The following ST18 variants were observed in gnomAD, a reference collection of about 807,000 sequenced individuals.
The protein encoded by ST18 is ST18 C2H2C-type zinc finger transcription factor, also known as suppression of tumorigenicity 18 protein.
Under a neutral mutation model 110.0 loss-of-function variants are expected in ST18, and 50 were observed. The observed-to-expected ratio is 0.45, with a 90% CI of 0.36 to 0.58. The LOEUF (loss-of-function observed/expected upper bound fraction) is 0.58. Ranked by LOEUF, ST18 falls within the 20% of genes least tolerant of loss-of-function variation. The pLI is 0.00. For missense variants in ST18, 1,306 were observed against 1,280.1 expected, an observed-to-expected ratio of 1.02 and a Z score of -0.31; for synonymous variants, 461 against 452.4, an observed-to-expected ratio of 1.02 and a Z score of -0.24.
intron 25 of ST18, among the ~76,000 whole-genome samples, chr8:52,113,951 C>T (rs1381844139): frequency 5.1e-5 from 3 of 59,084 alleles, no homozygotes; most frequent in Non-Finnish European, 8.8e-5. Context: ...TTATTCATAC[C>T]GTGTTTTTTT....
chr8:52,389,420 G>C (rs1838438129), intron 2 of ST18, among the ~76,000 whole-genome samples: 1 of 152,302 alleles, frequency 6.6e-6, no homozygotes, highest in East Asian at 1.9e-4. Context: ...GATATTAAAA[G>C]AGGAAAACCC....
intron 2 of ST18, among the ~76,000 whole-genome samples, chr8:52,385,757 A>G (rs1183220823): frequency 1.3e-5 from 2 of 152,114 alleles, no homozygotes; most frequent in Non-Finnish European, 2.9e-5. Flanking sequence ...TCATGCATGC[A>G]ATAAAGCCAA....
At chr8:52,337,697 G>T (rs1473828732) in intron 2 of ST18, among the ~76,000 whole-genome samples, 1 of 152,176 alleles carries the variant, frequency 6.6e-6, no homozygotes, top group Non-Finnish European at 1.5e-5. Context: ...TGCCTTTATT[G>T]CTGATAGAGT....
chr8:52,128,766 C>A (rs966203704), intron 22 of ST18, among the ~76,000 whole-genome samples: 14 of 152,124 alleles, frequency 9.2e-5, no homozygotes, highest in Admixed American at 9.2e-4. Flanking sequence ...CACGTGCCAA[C>A]CTGTATTCAA....
chr8:52,241,036 A>T (rs1278075801), intron 2 of ST18, among the ~76,000 whole-genome samples: 1 of 152,226 alleles, frequency 6.6e-6, no homozygotes, highest in Non-Finnish European at 1.5e-5. Context: ...TGAATCTCCT[A>T]TCTTGGCTAA....
intron 2 of ST18, among the ~76,000 whole-genome samples, chr8:52,339,488 T>C (rs1813826303): frequency 6.6e-6 from 1 of 152,242 alleles, no homozygotes; most frequent in Non-Finnish European, 1.5e-5. Context: ...GCAGGGCACG[T>C]ACAGCAGGGT....
At chr8:52,267,127 C>T (rs1267895659) in intron 2 of ST18, among the ~76,000 whole-genome samples, 2 of 151,988 alleles carry the variant, frequency 1.3e-5, no homozygotes, top group East Asian at 3.9e-4. Flanking sequence ...TGCGATGGTG[C>T]ACTCGTTGGT....
chr8:52,314,270 C>G (rs1298237883), intron 2 of ST18, among the ~76,000 whole-genome samples: 2 of 152,200 alleles, frequency 1.3e-5, no homozygotes, highest in African/African-American at 4.8e-5. Context: ...GCCTCCAGGC[C>G]ATGGACACAG....
chr8:52,320,199 T>C (rs1803266644), intron 2 of ST18, among the ~76,000 whole-genome samples: 1 of 152,202 alleles, frequency 6.6e-6, no homozygotes, highest in Admixed American at 6.5e-5. Context: ...TGCTATAATT[T>C]ATGTAAACAA....
intron 2 of ST18, among the ~76,000 whole-genome samples, chr8:52,243,420 T>G (rs770886802): frequency 6.6e-6 from 1 of 152,194 alleles, no homozygotes; most frequent in Non-Finnish European, 1.5e-5. Flanking sequence ...TACTTGGGAC[T>G]CAGTGTCATT....
At chr8:52,282,246 A>G (rs891085412) in intron 2 of ST18, among the ~76,000 whole-genome samples, 4 of 152,200 alleles carry the variant, frequency 2.6e-5, no homozygotes, top group Non-Finnish European at 5.9e-5. Context: ...AGGAAATTCC[A>G]AGATAATCTT....
rs764961687 is a variant in ST18, at chr8:52,161,466, T to C, written c.1503A>G (p.Pro501=). Residue 501 remains proline (P), a synonymous_variant, in exon 14 of 26, where the codon CCA becomes CCG. Transcript: ENST00000689386. ...GGGCATCAAAACTGGCATAATCAAA[T>C]GGTACTTTTCCAAACTTCTCTTGTT... is the stretch of plus-strand genomic sequence containing the variant. ...SKEQEKFGKV[P]FDYASFDAQV... 10 of 1,614,050 alleles carry C rather than the reference T, an allele frequency of 6.2e-6. No homozygotes were observed. In the East Asian group the frequency reaches 6.7e-5, roughly 11 times the overall value.
At chr8:52,380,281 T>C (rs1382177615) in intron 2 of ST18, among the ~76,000 whole-genome samples, 2 of 152,212 alleles carry the variant, frequency 1.3e-5, no homozygotes, top group African/African-American at 4.8e-5. Context: ...GCATTTTTCA[T>C]TCCTTATTTT....
At chr8:52,383,612 C>A (rs1441675357) in intron 2 of ST18, among the ~76,000 whole-genome samples, 2 of 151,868 alleles carry the variant, frequency 1.3e-5, no homozygotes, top group African/African-American at 4.8e-5. Context: ...CCATGCCTGG[C>A]TAATTTTTGT....
intron 2 of ST18, among the ~76,000 whole-genome samples, chr8:52,312,704 ATT>A (rs981106886): frequency 1.1e-4 from 16 of 152,224 alleles, no homozygotes; most frequent in African/African-American, 3.9e-4. Context: ...AGCAGTATTC[ATT>A]TAGTGCTGCT....
chr8:52,173,909 T>C (rs936044390), intron 9 of ST18, among the ~76,000 whole-genome samples: 9 of 152,192 alleles, frequency 5.9e-5, no homozygotes, highest in African/African-American at 2.2e-4. Context: ...CATTTAATTT[T>C]TTATAAACAT....
In ST18 at chr8:52,116,289, G is replaced by C; in HGVS notation, c.2989C>G (p.Gln997Glu). The C allele has an allele frequency of 6.2e-7, 1 of 1,613,636 alleles. No individual in the cohort carries two copies. The highest frequency in any genetic ancestry group is 8.5e-7 in the Non-Finnish European group (1 of 1,179,830). ...QALISSLADI[Q>E]LPQMGPISEQ... is the part of the protein sequence containing the mutation. ...CTTGAACTTACCATCTGTGGAAGCT[G>C]GATGTCAGCAAGGCTTGAAATGAGA... Residue 997 changes from glutamine (Q) to glutamate (E), a missense_variant, in exon 25 of 26, where the codon CAG becomes GAG. Gln to Glu is a conservative substitution (Grantham distance 29). Transcript: ENST00000689386.
At chr8:52,376,834 C>T (rs976204765) in intron 2 of ST18, among the ~76,000 whole-genome samples, 5 of 152,352 alleles carry the variant, frequency 3.3e-5, no homozygotes, top group East Asian at 3.9e-4. Flanking sequence ...TAAGGTAATA[C>T]ATGAATGCCT....
chr8:52,354,802 T>C (rs1821938931), intron 2 of ST18, among the ~76,000 whole-genome samples: 1 of 152,226 alleles, frequency 6.6e-6, no homozygotes, highest in African/African-American at 2.4e-5. Context: ...CCTCAAGCTT[T>C]AGACTGGCCA....
Sources: gnomAD v4.1 joint callset for allele counts (sites outside exome capture counted in the v4.1 genomes callset) on GRCh38, gnomAD v4.1.1 for gene constraint, MANE v1.5 for transcripts, NCBI Gene and HGNC (gene_info 2026-07-23, HGNC 2026-07-21) for gene names.